The following NEDD4L variants were observed in gnomAD, a reference collection of about 807,000 sequenced individuals.
The protein encoded by NEDD4L is E3 ubiquitin-protein ligase NEDD4-like.
A neutral mutation model predicts 148.9 loss-of-function variants in NEDD4L; 54 were observed. The ratio of observed to expected loss-of-function variants is 0.36; its 90% CI spans 0.29 to 0.45. NEDD4L has a LOEUF of 0.45. NEDD4L is among the 20% of genes least tolerant of loss of function. NEDD4L has a pLI of 1.00. For synonymous variants in NEDD4L, 433 were observed against 440.7 expected (o/e 0.98, Z 0.22); for missense variants, 856 against 1,233.8 (o/e 0.69, Z 4.59).
intron 2 of NEDD4L, among the ~76,000 whole-genome samples, chr18:58,206,343 C>T (rs374256823): frequency 8.7e-4 from 133 of 152,206 alleles, no homozygotes; most frequent in African/African-American, 3.1e-3. Flanking sequence ...GAGCTGAGAT[C>T]GCACCACTGC....
intron 2 of NEDD4L, among the ~76,000 whole-genome samples, chr18:58,235,784 G>T (rs1157976456): frequency 6.6e-6 from 1 of 151,854 alleles, no homozygotes; most frequent in Non-Finnish European, 1.5e-5. Flanking sequence ...CTCTGTGGGT[G>T]TTTTCTTTTA....
At position 58,349,581 on chromosome 18, in the gene NEDD4L, A is replaced by G. The variant is rs2043603875; in HGVS notation, c.1620A>G (p.Thr540=). ...TTCCAGTACATATGCGGTCAAAGAC[A>G]TCTTTAAACCCCAATGACCTTGGCC... ...LKFPVHMRSK[T]SLNPNDLGPL... The change falls in exon 17 of 31, where the codon ACA becomes ACG. Residue 540 remains threonine, a synonymous_variant. Transcript: ENST00000400345. The G allele has an allele frequency of 9.9e-6, 16 of 1,613,912 alleles. No individual in the cohort carries two copies. Among genetic ancestry groups the G allele is most frequent in the Non-Finnish European group, 1.3e-5 (15 of 1,179,882 alleles).
At chr18:58,073,012 GAAT>G (rs1402982088) in intron 1 of NEDD4L, among the ~76,000 whole-genome samples, 1 of 151,702 alleles carries the variant, frequency 6.6e-6, no homozygotes, top group Non-Finnish European at 1.5e-5. Context: ...GTATCAAAAA[GAAT>G]AAAATACTTG....
intron 3 of NEDD4L, chr18:58,247,562 C>T (rs547603): frequency 6.6e-6 from 1 of 152,242 alleles, no homozygotes; most frequent in Non-Finnish European, 1.5e-5. Context: ...CCCTCCCTTT[C>T]CACGGTCGAG....
In NEDD4L at chr18:58,401,535, T is replaced by G. The variant is rs1284600840; in HGVS notation, c.*5266T>G. ...AAAGAATTATGGAAGCTGGAACATT[T>G]TCTACATCAAGTGTTATGGGTTGTT... On this transcript the variant is annotated 3_prime_UTR_variant, in exon 31 of 31. Coordinates refer to ENST00000400345, the MANE Select transcript of NEDD4L (RefSeq NM_001144967.3). 2 of 152,218 alleles carry G rather than the reference T, an allele frequency of 1.3e-5. No individual in the cohort carries two copies. The highest frequency in any genetic ancestry group is 4.8e-5 in the African/African-American group (2 of 41,468). 9.4% of individuals were successfully genotyped at this position (152,218 alleles called of 1,614,324 possible). A position where few individuals can be genotyped will look rare whatever the true frequency, so the allele number is the denominator to read the frequency against.
In NEDD4L at chr18:58,349,561, G is replaced by A; in HGVS notation, c.1600G>A (p.Val534Ile). ...TWEDPRLKFP[V>I]HMRSKTSLNP... ...GGAAGATCCACGTTTGAAATTTCCA[G>A]TACATATGCGGTCAAAGACATCTTT... The change falls in exon 17 of 31, where the codon GTA (valine) becomes ATA (isoleucine). Residue 534 changes from valine to isoleucine, a missense_variant. Around this residue, in one of 4 missense-constraint regions of NEDD4L, gnomAD observed 367 missense variants for 422.7 expected, o/e 0.87. Transcript: ENST00000400345. The A allele has an allele frequency of 6.2e-7, 1 of 1,614,002 alleles. No individual in the cohort carries two copies. The highest frequency in any genetic ancestry group is 2.2e-5 in the East Asian group (1 of 44,888).
At chr18:58,197,098 C>T (rs2040798979) in intron 2 of NEDD4L, among the ~76,000 whole-genome samples, 1 of 152,106 alleles carries the variant, frequency 6.6e-6, no homozygotes, top group African/African-American at 2.4e-5. Context: ...AATTGTGTGG[C>T]ATTGGGTCCC....
intron 11 of NEDD4L, among the ~76,000 whole-genome samples, chr18:58,331,461 G>GT (rs1228871002): frequency 6.6e-6 from 1 of 152,194 alleles, no homozygotes; most frequent in Non-Finnish European, 1.5e-5. Flanking sequence ...CTTGAGAAAT[G>GT]TTGTGAAATT....
At chr18:58,216,646 G>C (rs1188902585) in intron 2 of NEDD4L, among the ~76,000 whole-genome samples, 2 of 152,184 alleles carry the variant, frequency 1.3e-5, no homozygotes, top group Non-Finnish European at 2.9e-5. Flanking sequence ...GAACTGGCTG[G>C]GGGCCACTGA....
At chr18:58,128,844 C>T (rs1181270393) in intron 1 of NEDD4L, among the ~76,000 whole-genome samples, 1 of 152,156 alleles carries the variant, frequency 6.6e-6, no homozygotes, top group Non-Finnish European at 1.5e-5. Context: ...TGAACTTGGC[C>T]TTTGGATTGC....
chr18:58,379,377 A>G (rs2048023573), intron 24 of NEDD4L, among the ~76,000 whole-genome samples: 1 of 152,204 alleles, frequency 6.6e-6, no homozygotes, highest in African/African-American at 2.4e-5. Context: ...TCTCCCACTT[A>G]GGGTTGACAC....
Position 58,366,277 on chromosome 18 carries a change from A to G in NEDD4L, c.2063+49A>G, listed in dbSNP as rs1185089093. 8.4e-6 allele frequency: 11 copies of G among 1,314,454 alleles called. No homozygotes were observed. Among genetic ancestry groups the G allele is most frequent in the Non-Finnish European group, 1.1e-5 (11 of 957,406 alleles). The allele number at this position is 1,314,454 out of a possible 1,614,324, so 81.4% of individuals were successfully genotyped here. A position where few individuals can be genotyped will look rare whatever the true frequency, so the allele number is the denominator to read the frequency against. Reference sequence around the variant, plus strand: ...GTGTGTCCCCCACTGAGACAGTTGTATGAATTTAAACAGAATGAAAGGATA... The same window carrying G: ...GTGTGTCCCCCACTGAGACAGTTGTGTGAATTTAAACAGAATGAAAGGATA... On this transcript the variant is annotated intron_variant, in intron 21 of 30. Coordinates refer to ENST00000400345, the MANE Select transcript of NEDD4L (RefSeq NM_001144967.3). This position sits in a 1 kb window ranked among gnomAD's most constrained non-coding sequence, Gnocchi z 4.2.
intron 23 of NEDD4L, among the ~76,000 whole-genome samples, chr18:58,371,203 A>ATT (rs34960405): frequency 0.035 from 3,267 of 92,948 alleles, 197 homozygotes; most frequent in African/African-American, 0.11. Flanking sequence ...TGCCTGGCTA[A>ATT]TTTTTTTTTT....
intron 5 of NEDD4L, among the ~76,000 whole-genome samples, chr18:58,289,084 AAAAT>A (rs1214460983): frequency 1.3e-5 from 2 of 152,240 alleles, no homozygotes; most frequent in Non-Finnish European, 2.9e-5. Context: ...ATCACTTGTA[AAAAT>A]AAATGAATAA....
intron 1 of NEDD4L, among the ~76,000 whole-genome samples, chr18:58,082,096 A>ATTTTTTTTTTTTTTTTTT (rs1568189062): frequency 1.3e-5 from 1 of 75,572 alleles, no homozygotes; most frequent in African/African-American, 8.8e-5. Context: ...ATATATATAT[A>ATTTTTTTTTTTTTTTTTT]TATATATTTT....
chr18:58,110,067 T>TACA (rs2085327144), intron 1 of NEDD4L, among the ~76,000 whole-genome samples: 1 of 148,588 alleles, frequency 6.7e-6, no homozygotes, highest in Non-Finnish European at 1.5e-5. Flanking sequence ...AGGGCTGCCC[T>TACA]ACAGCAGCCC....
At chr18:58,188,177 A>G (rs1390126502) in intron 2 of NEDD4L, among the ~76,000 whole-genome samples, 3 of 152,162 alleles carry the variant, frequency 2.0e-5, no homozygotes, top group Non-Finnish European at 4.4e-5. Flanking sequence ...AGGCCACCCC[A>G]CAGGACGGTC....
chr18:58,361,211 G>A (rs1453695330), intron 19 of NEDD4L, among the ~76,000 whole-genome samples: 6 of 152,084 alleles, frequency 3.9e-5, no homozygotes, highest in Non-Finnish European at 7.3e-5. Flanking sequence ...TGCTTACCTA[G>A]TACCTAGAGT....
intron 5 of NEDD4L, among the ~76,000 whole-genome samples, chr18:58,262,299 C>G (rs1274208704): frequency 6.6e-6 from 1 of 152,180 alleles, no homozygotes; most frequent in African/African-American, 2.4e-5. Flanking sequence ...CAGTGCCAGG[C>G]CCTGGACTTC....
Sources: gnomAD v4.1 joint callset for allele counts (sites outside exome capture counted in the v4.1 genomes callset) on GRCh38, gnomAD v4.1.1 for gene constraint, gnomAD v4.1.1 regional missense constraint, Gnocchi (gnomAD v3.1) non-coding constraint, MANE v1.5 for transcripts, NCBI Gene and HGNC (gene_info 2026-07-23, HGNC 2026-07-21) for gene names.